Variants in DAB1 observed in about 807,000 individuals in gnomAD.
The protein encoded by DAB1 is DAB adaptor protein 1.
A neutral mutation model predicts 64.6 loss-of-function variants in DAB1; 15 were observed. The ratio of observed to expected loss-of-function variants is 0.23; its 90% CI spans 0.16 to 0.36. DAB1 has a LOEUF of 0.36. Ranked by LOEUF, DAB1 falls within the 10% of genes least tolerant of loss-of-function variation. The pLI, the probability that DAB1 is intolerant of heterozygous loss-of-function variation, is 1.00. For missense variants in DAB1, 596 were observed against 706.7 expected (o/e 0.84, Z 1.78); for synonymous variants, 235 against 251.9 (o/e 0.93, Z 0.64).
At chr1:57,593,671 G>C (rs1016569889) in intron 7 of DAB1, among the ~76,000 whole-genome samples, 1 of 152,112 alleles carries the variant, frequency 6.6e-6, no homozygotes, top group African/African-American at 2.4e-5. Context: ...TTGGCACACA[G>C]GGAACTTCAG....
intron 7 of DAB1, among the ~76,000 whole-genome samples, chr1:57,576,544 A>C (rs145258403): frequency 5.3e-5 from 8 of 152,310 alleles, no homozygotes; most frequent in African/African-American, 1.9e-4. Flanking sequence ...GCAAATGCAG[A>C]ATTTAGGAAG....
rs146562879 is a variant in DAB1 at position 57,236,748 on chromosome 1, G to C, written c.67+54216C>G. Among the ~76,000 whole-genome samples, 557 of 152,282 alleles carry C rather than the reference G, an allele frequency of 3.7e-3. 3 individuals carry two copies. Among genetic ancestry groups the C allele is most frequent in the African/African-American group, 0.013 (523 of 41,570 alleles). ...ACACATCACTCTGAAACATCACTCT[G>C]ATGCCATGGTAGAGCAAGTCAAACT... On this transcript the variant is annotated intron_variant, in intron 2 of 14. Transcript: ENST00000371236.
At chr1:57,592,592 A>G (rs1645458175) in intron 7 of DAB1, among the ~76,000 whole-genome samples, 1 of 152,010 alleles carries the variant, frequency 6.6e-6, no homozygotes, top group South Asian at 2.1e-4. Flanking sequence ...TTTTTTTAAC[A>G]GTGGTAAAAT....
At chr1:57,564,528 A>C (rs1645093148) in intron 7 of DAB1, among the ~76,000 whole-genome samples, 1 of 152,184 alleles carries the variant, frequency 6.6e-6, no homozygotes, top group African/African-American at 2.4e-5. Context: ...GAAGCTAAAA[A>C]TCTTGAAAAA....
intron 3 of DAB1, among the ~76,000 whole-genome samples, chr1:58,389,400 T>C (rs899781211): frequency 5.3e-5 from 8 of 152,166 alleles, no homozygotes; most frequent in Non-Finnish European, 1.2e-4. Context: ...ATCACACCAC[T>C]GCACTATAGT....
chr1:57,330,377 C>G (rs577773165), intron 1 of DAB1, among the ~76,000 whole-genome samples: 1 of 152,176 alleles, frequency 6.6e-6, no homozygotes, highest in African/African-American at 2.4e-5. Flanking sequence ...CTCCTGGAAG[C>G]CATGCAGCAG....
intron 2 of DAB1, among the ~76,000 whole-genome samples, chr1:58,523,178 C>T (rs1314811464): frequency 6.6e-6 from 1 of 152,176 alleles, no homozygotes; most frequent in African/African-American, 2.4e-5. Context: ...TCTATTAGCT[C>T]TTGAATTTCT....
rs1661499388 is a variant in DAB1 at position 58,278,270 on chromosome 1, A to AAG, written n.309+65080_309+65081dup. Among the ~76,000 whole-genome samples the AAG allele has an allele frequency of 1.8e-3, 2 of 1,098 alleles. 1 individual carries two copies. Among genetic ancestry groups the AAG allele is most frequent in the African/African-American group, 4.6e-3 (2 of 432 alleles). 0.7% of individuals were successfully genotyped at this position (1,098 alleles called of 152,430 possible). On this transcript the variant is annotated intron_variant and non_coding_transcript_variant, in intron 4 of 20. Transcript: ENST00000485760. ...TACTGTCTCTCGCCTGCTGCCATGT[A>AAG]AGATGTGCCTGCTTCACCTTCTGCC...
intron 3 of DAB1, among the ~76,000 whole-genome samples, chr1:58,407,247 G>A (rs1014784997): frequency 2.0e-5 from 3 of 152,110 alleles, no homozygotes; most frequent in Non-Finnish European, 4.4e-5. Context: ...AGAAGGAATG[G>A]TTAGTGCCCA....
chr1:57,717,739 T>C (rs1336215698), intron 6 of DAB1, among the ~76,000 whole-genome samples: 5 of 152,118 alleles, frequency 3.3e-5, no homozygotes, highest in African/African-American at 1.2e-4. Flanking sequence ...TATGTATACA[T>C]ATATGTGTAT....
At chr1:57,749,391 T>C (rs992934664) in intron 6 of DAB1, among the ~76,000 whole-genome samples, 7 of 152,216 alleles carry the variant, frequency 4.6e-5, no homozygotes, top group African/African-American at 1.7e-4. Flanking sequence ...TCTGTAAGAA[T>C]GTGAAAAGGA....
chr1:58,415,156 T>C (rs1022786847), intron 3 of DAB1, among the ~76,000 whole-genome samples: 7 of 152,084 alleles, frequency 4.6e-5, no homozygotes, highest in Admixed American at 3.3e-4. Context: ...TCCCCCTCTC[T>C]CTCTCTCTGA....
intron 4 of DAB1, among the ~76,000 whole-genome samples, chr1:58,211,213 G>T (rs535659814): frequency 3.3e-5 from 5 of 152,182 alleles, no homozygotes; most frequent in African/African-American, 1.2e-4. Context: ...TCTTGAAAAA[G>T]AAATATCTCC....
At chr1:57,298,126 T>G (rs1673352215) in intron 1 of DAB1, among the ~76,000 whole-genome samples, 2 of 152,160 alleles carry the variant, frequency 1.3e-5, no homozygotes. Flanking sequence ...TCTTTTTTTT[T>G]TATTTTTATT....
At chr1:57,999,940 A>G (rs1231421162) in intron 5 of DAB1, among the ~76,000 whole-genome samples, 3 of 150,422 alleles carry the variant, frequency 2.0e-5, no homozygotes, top group African/African-American at 4.9e-5. Flanking sequence ...GGAAGGAGGA[A>G]GAGAGAGAAG....
At chr1:57,637,195 CA>C (rs1646067795) in intron 7 of DAB1, among the ~76,000 whole-genome samples, 1 of 152,162 alleles carries the variant, frequency 6.6e-6, no homozygotes, top group East Asian at 1.9e-4. Context: ...AGGAATATCT[CA>C]GTTGCCAAAT....
At chr1:58,090,932 T>C (rs1259951829) in intron 5 of DAB1, among the ~76,000 whole-genome samples, 3 of 152,196 alleles carry the variant, frequency 2.0e-5, no homozygotes, top group Non-Finnish European at 2.9e-5. Flanking sequence ...CTTATATAGT[T>C]TAGCTGAATA....
intron 4 of DAB1, among the ~76,000 whole-genome samples, chr1:58,280,360 T>C (rs1029614308): frequency 6.6e-6 from 1 of 152,192 alleles, no homozygotes; most frequent in African/African-American, 2.4e-5. Context: ...AGCATGGGGA[T>C]CATCAGAATG....
intron 1 of DAB1, among the ~76,000 whole-genome samples, chr1:57,383,165 G>A (rs1681523010): frequency 6.6e-6 from 1 of 152,036 alleles, no homozygotes; most frequent in Non-Finnish European, 1.5e-5. Flanking sequence ...TGGAATGAAA[G>A]AAATTGAGAT....
Sources: gnomAD v4.1 joint callset for allele counts (sites outside exome capture counted in the v4.1 genomes callset) on GRCh38, gnomAD v4.1.1 for gene constraint, MANE v1.5 for transcripts, NCBI Gene and HGNC (gene_info 2026-07-23, HGNC 2026-07-21) for gene names.